Variants in CSNK1A1 observed in about 807,000 individuals in gnomAD.
CSNK1A1 encodes the protein casein kinase 1 alpha 1, also known as casein kinase I isoform alpha.
CSNK1A1 carries 7 observed loss-of-function variants against 46.1 expected under a neutral mutation model. The observed-to-expected ratio is 0.15, with a 90% CI of 0.09 to 0.29. The LOEUF (loss-of-function observed/expected upper bound fraction) is 0.29, where lower values mean the gene tolerates loss of function less well. CSNK1A1 is among the 10% of genes least tolerant of loss of function. The probability of loss-of-function intolerance (pLI) is 1.00; values close to 1 mark genes in which losing one functional copy is unlikely to be tolerated. For missense variants in CSNK1A1, 96 were observed against 417.1 expected (o/e 0.23, Z 6.71); for synonymous variants, 137 against 141.5 (o/e 0.97, Z 0.23).
At chr5:149,503,311 G>A in intron 9 of CSNK1A1, 3 of 985,402 alleles carry the variant, frequency 3.0e-6, no homozygotes, top group Non-Finnish European at 3.6e-6. Context: ...GTTTATGAGA[G>A]TTTCATGTAA....
At chr5:149,513,335 AG>A in intron 4 of CSNK1A1, 126 bp from the exon 5 acceptor site, 1 of 901,406 alleles carries the variant, frequency 1.1e-6, no homozygotes, top group Admixed American at 2.9e-5. Context: ...AAGTATTAAT[AG>A]AACAGATAAT....
In CSNK1A1 at chr5:149,496,566, T is replaced by C. The variant is rs1760660303; in HGVS notation, c.*287A>G. The C allele has an allele frequency of 7.4e-6, 3 of 407,520 alleles. No homozygotes were observed. In the Admixed American group the frequency reaches 1.2e-4, roughly 16 times the overall value. 25.2% of individuals were successfully genotyped at this position (407,520 alleles called of 1,614,324 possible). A position where few individuals can be genotyped will look rare whatever the true frequency, so the allele number is the denominator to read the frequency against. On this transcript the variant is annotated 3_prime_UTR_variant, in exon 10 of 10. Coordinates refer to ENST00000377843, the MANE Select transcript of CSNK1A1 (RefSeq NM_001892.6). ...CACAATTTCTCCACCAATTTTTGTGTGTCAACCATTTAGTTAACTTTTCCA... is the reference window on the plus strand; with the variant it reads ...CACAATTTCTCCACCAATTTTTGTGCGTCAACCATTTAGTTAACTTTTCCA...
At chr5:149,509,089 TA>T (rs893043475) in intron 7 of CSNK1A1, among the ~76,000 whole-genome samples, 6 of 151,784 alleles carry the variant, frequency 4.0e-5, no homozygotes, top group Non-Finnish European at 8.8e-5. Flanking sequence ...CATGCCAGGC[TA>T]ATTTTTGCAT....
intron 2 of CSNK1A1, chr5:149,549,180 CAA>C: frequency 2.8e-6 from 1 of 362,334 alleles, no homozygotes. Context: ...AATTACTTAT[CAA>C]AGTGTGGCTA....
At chr5:149,501,311 G>A (rs779568453) in intron 9 of CSNK1A1, 1 of 985,276 alleles carries the variant, frequency 1.0e-6, no homozygotes, top group Non-Finnish European at 1.2e-6. Context: ...AGAAGATGCG[G>A]TTCCCTGGTA....
intron 4 of CSNK1A1, 115 bp from the exon 5 acceptor site, chr5:149,513,324 T>C (rs896892152): frequency 1.3e-5 from 13 of 971,832 alleles, no homozygotes; most frequent in Non-Finnish European, 1.9e-5. Context: ...TAAAGTATCC[T>C]AAGTATTAAT....
rs371131628 is a variant in CSNK1A1 at position 149,522,300 on chromosome 5, G to T, written c.358-1912C>A. On this transcript the variant is annotated intron_variant, in intron 3 of 9. Coordinates refer to ENST00000377843, the MANE Select transcript of CSNK1A1 (RefSeq NM_001892.6). Reference sequence around the variant, plus strand: ...AATTTTTGTATTTTTTGTGGAAAGGGGGGTATCGTTATGTTGCCCAGGCTG... The same window carrying T: ...AATTTTTGTATTTTTTGTGGAAAGGTGGGTATCGTTATGTTGCCCAGGCTG... 1.7e-3 allele frequency among the ~76,000 whole-genome samples: 261 copies of T among 152,054 alleles called. 1 individual carries two copies. In the South Asian group the frequency reaches 0.021, roughly 12 times the overall value.
intron 9 of CSNK1A1, chr5:149,501,471 G>A (rs957763118): frequency 1.5e-5 from 15 of 985,276 alleles, no homozygotes; most frequent in Admixed American, 6.2e-5. Context: ...AGACATAAAC[G>A]GTAGATGCAG....
chr5:149,527,091 G>A (rs531299197), intron 2 of CSNK1A1, among the ~76,000 whole-genome samples: 1 of 151,762 alleles, frequency 6.6e-6, no homozygotes, highest in South Asian at 2.1e-4. Flanking sequence ...TGCCCACTAG[G>A]CTAGGAAACA....
intron 9 of CSNK1A1, chr5:149,499,047 A>G: frequency 2.0e-6 from 2 of 985,470 alleles, no homozygotes; most frequent in Non-Finnish European, 2.4e-6. Context: ...ATGACATTCC[A>G]GCCAGGGATC....
intron 2 of CSNK1A1, among the ~76,000 whole-genome samples, chr5:149,533,809 C>T (rs1027514311): frequency 1.3e-5 from 2 of 152,136 alleles, no homozygotes; most frequent in African/African-American, 4.8e-5. Flanking sequence ...TGTTAAAATA[C>T]ACTTTTTCAT....
In CSNK1A1 at chr5:149,551,272, G is replaced by A. The variant is rs1025808867; in HGVS notation, c.-308C>T. On this transcript the variant is annotated 5_prime_UTR_variant, in exon 1 of 10. Coordinates refer to ENST00000377843, the MANE Select transcript of CSNK1A1 (RefSeq NM_001892.6). ...GGCGACGTCGCGGGCTGGAAAAGGGGCGCGGTGAGCTAGGGCGGCGATACC... is the reference window on the plus strand; with the variant it reads ...GGCGACGTCGCGGGCTGGAAAAGGGACGCGGTGAGCTAGGGCGGCGATACC... 3.8e-5 allele frequency: 11 copies of A among 285,758 alleles called. No individual in the cohort carries two copies. In the East Asian group the frequency reaches 1.0e-3, roughly 26 times the overall value. The allele number at this position is 285,758 out of a possible 1,614,324, so 17.7% of individuals were successfully genotyped here. A position where few individuals can be genotyped will look rare whatever the true frequency, so the allele number is the denominator to read the frequency against.
chr5:149,547,546 G>A (rs908031361), intron 2 of CSNK1A1, among the ~76,000 whole-genome samples: 1 of 152,278 alleles, frequency 6.6e-6, no homozygotes, highest in Non-Finnish European at 1.5e-5. Flanking sequence ...AAAACATTAT[G>A]TTAAGTGAAA....
At chr5:149,522,272 G>A (rs190312602) in intron 3 of CSNK1A1, among the ~76,000 whole-genome samples, 1 of 152,028 alleles carries the variant, frequency 6.6e-6, no homozygotes, top group Admixed American at 6.6e-5. Context: ...ACCATGCCCA[G>A]CTAATTTTTG....
At chr5:149,531,654 C>A (rs1274290394) in intron 2 of CSNK1A1, among the ~76,000 whole-genome samples, 1 of 151,000 alleles carries the variant, frequency 6.6e-6, no homozygotes, top group East Asian at 2.0e-4. Flanking sequence ...TCGAGACCAG[C>A]CTAGCCAACA....
intron 2 of CSNK1A1, among the ~76,000 whole-genome samples, chr5:149,543,497 T>G (rs1370973662): frequency 1.3e-5 from 2 of 152,134 alleles, no homozygotes; most frequent in Non-Finnish European, 2.9e-5. Context: ...GTTTTTTTTT[T>G]TTAGTCCAAG....
At chr5:149,497,848 T>C in intron 9 of CSNK1A1, 1 of 984,818 alleles carries the variant, frequency 1.0e-6, no homozygotes, top group Non-Finnish European at 1.2e-6. Context: ...TTTTTCTTTT[T>C]TTTTGGAGAC....
In CSNK1A1 at chr5:149,512,969, C is replaced by T. The variant is rs888025978; in HGVS notation, c.596+101G>A. The T allele has an allele frequency of 2.2e-6, 3 of 1,380,680 alleles. No homozygotes were observed. The African/African-American group carries it at 4.3e-5, about 20-fold the overall frequency. The allele number at this position is 1,380,680 out of a possible 1,614,324, so 85.5% of individuals were successfully genotyped here. On this transcript the variant is annotated intron_variant, in intron 5 of 9. Transcript: ENST00000377843. ...AATAAGCATCCTTCAAATCCTCAGC[C>T]AAGAAACATCCTTAGACATTGTAAG...
chr5:149,512,017 G>A, intron 5 of CSNK1A1, 145 bp from the exon 6 acceptor site: 1 of 594,970 alleles, frequency 1.7e-6, no homozygotes, highest in Non-Finnish European at 2.8e-6. Context: ...TATTTAAGGT[G>A]ATTTTAAAAA....
Sources: allele counts gnomAD v4.1 joint callset (sites outside exome capture counted in the v4.1 genomes callset), GRCh38; gene constraint gnomAD v4.1.1; transcripts MANE v1.5; gene names NCBI Gene and HGNC (gene_info 2026-07-23, HGNC 2026-07-21).